The following GANAB variants were observed in gnomAD, a reference collection of about 807,000 sequenced individuals.
GANAB encodes the protein glucosidase II alpha subunit, also known as neutral alpha-glucosidase AB.
GANAB carries 35 observed loss-of-function variants against 129.9 expected under a neutral mutation model. The observed-to-expected ratio is 0.27, with a 90% confidence interval of 0.21 to 0.36. The LOEUF (loss-of-function observed/expected upper bound fraction) is 0.36, where lower values mean the gene tolerates loss of function less well. GANAB is among the 10% of genes least tolerant of loss of function. The probability of loss-of-function intolerance (pLI) is 1.00; values close to 1 mark genes in which losing one functional copy is unlikely to be tolerated. For synonymous variants in GANAB, 482 were observed against 451.8 expected, an observed-to-expected ratio of 1.07 and a Z score of -0.85; for missense variants, 939 against 1,221.0, an observed-to-expected ratio of 0.77 and a Z score of 3.44.
intron 1 of GANAB, among the ~76,000 whole-genome samples, chr11:62,643,150 A>G (rs1242055177): frequency 6.6e-6 from 1 of 152,246 alleles, no homozygotes; most frequent in Non-Finnish European, 1.5e-5. Flanking sequence ...GAATATATTC[A>G]TCCAGGATTC....
Position 62,639,687 on chromosome 11 carries a change from C to A in GANAB, c.83G>T (p.Gly28Val). Residue 28 changes from glycine (G) to valine (V), a missense_variant, in exon 2 of 24, where the codon GGG (glycine) becomes GTG (valine). Gly to Val is a moderately radical substitution (Grantham distance 109). This residue lies in a region of GANAB where 321 missense variants were observed against 329.1 expected (regional missense o/e 0.98). Transcript: ENST00000356638. ...LVLAFLGVCL[G>V]ITLAVDRSNF... ...GCTTCTATCCACAGCAAGGGTAATC[C>A]CCAGGCAGACCCCTAAAAAAGCCAG... is the stretch of plus-strand genomic sequence containing the variant. The A allele has an allele frequency of 1.9e-6, 3 of 1,613,984 alleles. No homozygotes were observed. Among genetic ancestry groups the A allele is most frequent in the Non-Finnish European group, 2.5e-6 (3 of 1,179,960 alleles).
intron 1 of GANAB, 150 bp downstream of exon 1, chr11:62,646,412 C>A (rs12796676): frequency 1.3e-5 from 11 of 841,202 alleles, no homozygotes; most frequent in Non-Finnish European, 2.1e-5. Flanking sequence ...ACGGGGAGAC[C>A]GGAGGCGTCT....
In GANAB at chr11:62,634,242, C is replaced by G. The variant is rs986380846; in HGVS notation, c.560+579G>C. ...CTGGAAGGGTCTGGGGCACCTCCCC[C>G]CAAAGGCTAGAGTGAGGAATGGGTA... On this transcript the variant is annotated intron_variant, in intron 5 of 23. Coordinates refer to ENST00000356638, the MANE Select transcript of GANAB (RefSeq NM_198334.3). 17 of 1,087,004 alleles carry G rather than the reference C, an allele frequency of 1.6e-5. No homozygotes were observed. In the East Asian group the frequency reaches 2.8e-4, roughly 18 times the overall value. 67.3% of individuals were successfully genotyped at this position (1,087,004 alleles called of 1,614,324 possible). A position where few individuals can be genotyped will look rare whatever the true frequency, so the allele number is the denominator to read the frequency against.
chr11:62,644,448 G>C (rs1160094685), intron 1 of GANAB, among the ~76,000 whole-genome samples: 1 of 151,222 alleles, frequency 6.6e-6, no homozygotes, highest in Non-Finnish European at 1.5e-5. Flanking sequence ...GCAAGACCTC[G>C]TCTCTACTTA....
chr11:62,639,830 G>A, intron 1 of GANAB, 99 bp from the exon 2 acceptor site: 1 of 735,642 alleles, frequency 1.4e-6, no homozygotes, highest in Non-Finnish European at 2.4e-6. Context: ...CTAGAAGATA[G>A]TTGAGGAAAG....
At chr11:62,635,034 A>T in intron 4 of GANAB, 34 bp from the exon 5 acceptor site, 1 of 1,524,534 alleles carries the variant, frequency 6.6e-7, no homozygotes, top group Non-Finnish European at 9.1e-7. Context: ...ATAAGGAAGT[A>T]CAAAGGGCCA....
At position 62,626,844 on chromosome 11, in the gene GANAB, G is replaced by A. The variant is rs1292528956; in HGVS notation, c.2397+16C>T. ...TACAGGGAGATGGAACCGGCAGCCA[G>A]ACCAGGCTTACTCACACTGCTTAGA... On this transcript the variant is annotated intron_variant, in intron 20 of 23. Transcript: ENST00000356638. 1 of 1,588,960 alleles carries A rather than the reference G, an allele frequency of 6.3e-7. No homozygotes were observed. The highest frequency in any genetic ancestry group is 1.1e-5 in the South Asian group (1 of 90,054).
chr11:62,627,197 T>A (rs971828323), intron 18 of GANAB, 73 bp from the exon 19 acceptor site: 4 of 1,443,908 alleles, frequency 2.8e-6, no homozygotes, highest in Non-Finnish European at 3.9e-6. Context: ...GTGCCTGCCC[T>A]CTGCACCACC....
intron 4 of GANAB, among the ~76,000 whole-genome samples, chr11:62,638,498 G>A (rs1358969211): frequency 6.6e-6 from 1 of 151,974 alleles, no homozygotes; most frequent in African/African-American, 2.4e-5. Flanking sequence ...AGTCATGGAT[G>A]GATGCATGGA....
At chr11:62,625,968 A>G (rs368019259) in intron 23 of GANAB, 44 bp from the exon 24 acceptor site, 24 of 1,473,516 alleles carry the variant, frequency 1.6e-5, no homozygotes, top group Non-Finnish European at 1.9e-5. Context: ...CCAATGGGCT[A>G]TAGCATAACA....
Position 62,633,055 on chromosome 11 carries a change from A to G in GANAB, c.765T>C (p.His255=), listed in dbSNP as rs762129862. 1.1e-5 allele frequency: 18 copies of G among 1,612,494 alleles called. No individual in the cohort carries two copies. The highest frequency in any genetic ancestry group is 1.4e-5 in the Non-Finnish European group (16 of 1,178,698). The change falls in exon 8 of 24, where the codon CAT becomes CAC. Residue 255 remains histidine, a synonymous_variant. Coordinates refer to ENST00000356638, the MANE Select transcript of GANAB (RefSeq NM_198334.3). ...CTGCATGCTCAGGGATCCCATAGAC[A>G]TGCTCCATGCCTGGCAGAGAGAAGT... ...GLDFSLPGME[H]VYGIPEHADN... is the part of the protein sequence containing the mutation.
Position 62,640,531 on chromosome 11 carries a change from T to C in GANAB, c.39-800A>G, listed in dbSNP as rs1400344919. On this transcript the variant is annotated intron_variant, in intron 1 of 23. Transcript: ENST00000356638. ...CTGGGTGACAGAGTGAGACTCCATC[T>C]CCAAAAAAAAAAAAAAAAAGGGCCG... 4.3e-4 allele frequency among the ~76,000 whole-genome samples: 6 copies of C among 14,104 alleles called. No individual in the cohort carries two copies. In the East Asian group the frequency reaches 8.9e-3, roughly 21 times the overall value. The allele number at this position is 14,104 out of a possible 152,430, so 9.3% of individuals were successfully genotyped here. A position where few individuals can be genotyped will look rare whatever the true frequency, so the allele number is the denominator to read the frequency against.
rs969003546 is a variant in GANAB at position 62,630,787 on chromosome 11, A to G, written c.1200T>C (p.Arg400=). The change falls in exon 11 of 24, where the codon CGT becomes CGC. Residue 400 remains arginine, a synonymous_variant. Coordinates refer to ENST00000356638, the MANE Select transcript of GANAB (RefSeq NM_198334.3). The part of the protein sequence containing the change: ...PLFSLGYHQS[R]WNYRDEADVL... ...CATCAGCCTCGTCCCGGTAGTTCCA[A>G]CGGCTCTGGTGGTAGCCGAGGGAGA... is the stretch of plus-strand genomic sequence containing the variant. 1.2e-6 allele frequency: 2 copies of G among 1,614,006 alleles called. No homozygotes were observed. Among genetic ancestry groups the G allele is most frequent in the East Asian group, 4.5e-5 (2 of 44,878 alleles).
rs1269400039 is a variant in GANAB at position 62,626,065 on chromosome 11, C to T, written c.2725G>A (p.Gly909Arg). Residue 909 changes from glycine (G) to arginine (R), a missense_variant and splice_region_variant, in exon 23 of 24, where the codon GGA (glycine) becomes AGA (arginine). This residue lies in a region of GANAB where 230 missense variants were observed against 259.9 expected (regional missense o/e 0.89). Coordinates refer to ENST00000356638, the MANE Select transcript of GANAB (RefSeq NM_198334.3). ...CCTAGGGGCCAGATTGGTCACTCACCTTTTGTCTGGAGTACCACAGCTGCT... is the reference window on the plus strand; with the variant it reads ...CCTAGGGGCCAGATTGGTCACTCACTTTTTGTCTGGAGTACCACAGCTGCT... ...KPAAVVLQTK[G>R]SPESRLSFQH... 1 of 1,609,108 alleles carries T rather than the reference C, an allele frequency of 6.2e-7. No individual in the cohort carries two copies. The highest frequency in any genetic ancestry group is 1.3e-5 in the African/African-American group (1 of 74,830).
rs1943592926 is a variant in GANAB at position 62,630,093 on chromosome 11, A to T, written c.1593+104T>A. ...CTCCCCGGATCATCAAGGCCCCCTGATATGTTGCAGGCAATCAACCATAGA... is the reference window on the plus strand; with the variant it reads ...CTCCCCGGATCATCAAGGCCCCCTGTTATGTTGCAGGCAATCAACCATAGA... On this transcript the variant is annotated intron_variant, in intron 13 of 23. Transcript: ENST00000356638. 3 of 1,292,002 alleles carry T rather than the reference A, an allele frequency of 2.3e-6. No individual in the cohort carries two copies. The Admixed American group carries it at 5.7e-5, about 25-fold the overall frequency. 80.0% of individuals were successfully genotyped at this position (1,292,002 alleles called of 1,614,324 possible).
In GANAB at chr11:62,626,119, G is replaced by A; in HGVS notation, c.2671C>T (p.Arg891Trp). The stretch of plus-strand genomic sequence containing the variant: ...TTTCCAGCCCCTATTATCACCACCC[G>A]CTCAATCCAGATTGGTGTCTCAAAG... ...GHFETPIWIERVVIIGAGKPA... is the reference protein window; with the variant it reads ...GHFETPIWIEWVVIIGAGKPA... Residue 891 changes from arginine (R) to tryptophan (W), a missense_variant, in exon 23 of 24, where the codon CGG becomes TGG. Arg to Trp is a moderately radical substitution (Grantham distance 101). This residue lies in a region of GANAB where 230 missense variants were observed against 259.9 expected (regional missense o/e 0.89). Coordinates refer to ENST00000356638, the MANE Select transcript of GANAB (RefSeq NM_198334.3). The A allele has an allele frequency of 1.9e-6, 3 of 1,613,752 alleles. No individual in the cohort carries two copies. The highest frequency in any genetic ancestry group is 2.5e-6 in the Non-Finnish European group (3 of 1,179,676).
In GANAB at chr11:62,639,714, AC is replaced by A; in HGVS notation, c.55del (p.Val19TyrfsTer5). The A allele has an allele frequency of 6.2e-7, 1 of 1,613,700 alleles. No homozygotes were observed. The highest frequency in any genetic ancestry group is 2.2e-5 in the East Asian group (1 of 44,880). ...ARRRRSWASL[V>X]LAFLGVCLGI... is the part of the protein sequence containing the mutation. Reference sequence around the variant, plus strand: ...CAGGCAGACCCCTAAAAAAGCCAGTACCAAAGACGCCCAAGACCTAAGGAGA... The same window carrying A: ...CAGGCAGACCCCTAAAAAAGCCAGTACAAAGACGCCCAAGACCTAAGGAGA... On this transcript the variant is annotated frameshift_variant, in exon 2 of 24. Transcript: ENST00000356638. LOFTEE classifies it high-confidence loss of function.
chr11:62,632,513 T>G (rs1190489464), intron 9 of GANAB, 52 bp downstream of exon 9: 1 of 1,453,406 alleles, frequency 6.9e-7, no homozygotes, highest in Non-Finnish European at 9.6e-7. Context: ...CCTATTTGCC[T>G]CAAGGCCTGG....
chr11:62,628,963 G>A lies in GANAB; in HGVS notation c.1986C>T (p.Arg662=). 1.2e-6 allele frequency: 2 copies of A among 1,614,028 alleles called. No homozygotes were observed. The highest frequency in any genetic ancestry group is 8.5e-7 in the Non-Finnish European group (1 of 1,179,900). ...FKNPEPELLV[R]WYQMGAYQPF... is the part of the protein sequence containing the mutation. ...GCTGGTAAGCACCCATCTGGTACCA[G>A]CGCACAAGCAGCTCTGGCTCTGGGT... The change falls in exon 17 of 24, where the codon CGC becomes CGT. Residue 662 remains arginine, a synonymous_variant. Coordinates refer to ENST00000356638, the MANE Select transcript of GANAB (RefSeq NM_198334.3).
Sources: allele counts gnomAD v4.1 joint callset (sites outside exome capture counted in the v4.1 genomes callset), GRCh38; gene constraint gnomAD v4.1.1; regional missense constraint gnomAD v4.1.1; transcripts MANE v1.5; gene names NCBI Gene and HGNC (gene_info 2026-07-23, HGNC 2026-07-21).